The following SUOX variants were observed in gnomAD, a reference collection of about 807,000 sequenced individuals.
SUOX encodes the protein sulfite oxidase, mitochondrial.
Under a neutral mutation model 41.9 loss-of-function variants are expected in SUOX, and 39 were observed. The ratio of observed to expected loss-of-function variants is 0.93; its 90% CI spans 0.72 to 1.21. The LOEUF is 1.21. Ranked by LOEUF, SUOX falls within the 50% of genes most tolerant of loss-of-function variation. The pLI is 0.00. For synonymous variants in SUOX, 220 were observed against 268.4 expected (o/e 0.82, Z 1.76); for missense variants, 633 against 689.5 (o/e 0.92, Z 0.92).
Position 56,003,488 on chromosome 12 carries a change from C to T in SUOX, c.229-130C>T, listed in dbSNP as rs148022810. On this transcript the variant is annotated intron_variant, in intron 4 of 4. Transcript: ENST00000266971. ...GTTGGTCAAGCTGGTCTTGAACTCC[C>T]GACCTTATGTGATCCGCCCACCTCG... The T allele has an allele frequency of 2.9e-4, 234 of 805,672 alleles. No individual in the cohort carries two copies. In the African/African-American group the frequency reaches 3.3e-3, roughly 11 times the overall value. The allele number at this position is 805,672 out of a possible 1,614,324, so 49.9% of individuals were successfully genotyped here.
Position 56,004,335 on chromosome 12 carries a change from G to A in SUOX, c.946G>A (p.Val316Ile), listed in dbSNP as rs150528313. ...GHQLCETEAH[V>I]CFEGLDSDPT... ...CCAACTCTGTGAAACTGAGGCCCAC[G>A]TCTGCTTTGAGGGACTGGACTCAGA... The change falls in exon 5 of 5, where the codon GTC becomes ATC. Residue 316 changes from valine (V) to isoleucine (I), a missense_variant. Coordinates refer to ENST00000266971, the MANE Select transcript of SUOX (RefSeq NM_001032386.2). This position sits in a 1 kb window ranked among gnomAD's most constrained non-coding sequence, Gnocchi z 4.5. 33 of 1,614,130 alleles carry A rather than the reference G, an allele frequency of 2.0e-5. No homozygotes were observed. Among genetic ancestry groups the A allele is most frequent in the African/African-American group, 2.0e-4 (15 of 75,048 alleles).
rs1890699149 is a variant in SUOX at position 56,005,143 on chromosome 12, C to T, written c.*116C>T. ...CAACTCTGGCCTTCCTAAGCCATACCCAAGTACACATATAGCACATTTCAC... is the reference window on the plus strand; with the variant it reads ...CAACTCTGGCCTTCCTAAGCCATACTCAAGTACACATATAGCACATTTCAC... On this transcript the variant is annotated 3_prime_UTR_variant, in exon 5 of 5. Coordinates refer to ENST00000266971, the MANE Select transcript of SUOX (RefSeq NM_001032386.2). 14 of 1,179,318 alleles carry T rather than the reference C, an allele frequency of 1.2e-5. No homozygotes were observed. Among genetic ancestry groups the T allele is most frequent in the Admixed American group, 1.8e-5 (1 of 55,154 alleles). The allele number at this position is 1,179,318 out of a possible 1,614,324, so 73.1% of individuals were successfully genotyped here. A position where few individuals can be genotyped will look rare whatever the true frequency, so the allele number is the denominator to read the frequency against.
At chr12:56,001,932 T>C in intron 2 of SUOX, 1 of 1,312,698 alleles carries the variant, frequency 7.6e-7, no homozygotes, top group Non-Finnish European at 9.8e-7. Context: ...AAGTTCAGAA[T>C]GGAAGATGGG....
In SUOX at chr12:56,002,611, G is replaced by A. The variant is rs117778870; in HGVS notation, c.119G>A (p.Arg40His). ...CSTNDSFQPQ[R>H]PSLTFSGDNS... is the part of the protein sequence containing the mutation. The stretch of plus-strand genomic sequence containing the variant: ...ACAAATGATTCATTTCAGCCCCAGC[G>A]CCCCAGCCTCACCTTCTCTGGTGAT... Residue 40 changes from arginine to histidine, a missense_variant, in exon 4 of 5, where the codon CGC becomes CAC. By Grantham distance (29) the Arg-to-His change is conservative. Coordinates refer to ENST00000266971, the MANE Select transcript of SUOX (RefSeq NM_001032386.2). 656 of 1,613,950 alleles carry A rather than the reference G, an allele frequency of 4.1e-4. 3 individuals carry two copies. The East Asian group carries it at 8.6e-3, about 21-fold the overall frequency.
rs1373465262 is a variant in SUOX, at chr12:56,004,012, T to C, written c.623T>C (p.Ile208Thr). 1.5e-5 allele frequency: 25 copies of C among 1,613,922 alleles called. No individual in the cohort carries two copies. Among genetic ancestry groups the C allele is most frequent in the Non-Finnish European group, 2.1e-5 (25 of 1,180,028 alleles). The change falls in exon 5 of 5, where the codon ATC (isoleucine) becomes ACC (threonine). Residue 208 changes from isoleucine to threonine, a missense_variant. Physicochemically the swap from Ile to Thr is moderately conservative, Grantham distance 89 (BLOSUM62 -1). Coordinates refer to ENST00000266971, the MANE Select transcript of SUOX (RefSeq NM_001032386.2). This position sits in a 1 kb window ranked among gnomAD's most constrained non-coding sequence, Gnocchi z 4.5. ...CCTGAGCTGCTGACAGAAAACTACA[T>C]CACACCCAACCCTATCTTCTTCACC... ...PPPELLTENY[I>T]TPNPIFFTRN...
At position 56,004,665 on chromosome 12, in the gene SUOX, C is replaced by T. The variant is rs1314125524; in HGVS notation, c.1276C>T (p.Gln426Ter). The change falls in exon 5 of 5, where the codon CAG becomes TAG. Residue 426 changes from glutamine (Q) to a stop codon, truncating the protein, a stop_gained. Transcript: ENST00000266971. LOFTEE classifies it high-confidence loss of function. The surrounding 1 kb of genome is among the most constrained non-coding windows in gnomAD (Gnocchi z 4.5). ...TCCATCCATTCAGGAACTTCCTGTCCAGTCGGCCATCACAGAGCCCCGGGA... is the reference window on the plus strand; with the variant it reads ...TCCATCCATTCAGGAACTTCCTGTCTAGTCGGCCATCACAGAGCCCCGGGA... Reference protein sequence around the residue: ...SAPSIQELPVQSAITEPRDGE... With the variant: ...SAPSIQELPV 2.5e-6 allele frequency: 4 copies of T among 1,613,884 alleles called. No individual in the cohort carries two copies. Among genetic ancestry groups the T allele is most frequent in the Non-Finnish European group, 3.4e-6 (4 of 1,179,792 alleles).
chr12:56,004,497 C>T lies in SUOX; in HGVS notation c.1108C>T (p.Pro370Ser). ...CGGCTTCCCTGTGCGTGTGGTGGTT[C>T]CTGGAGTGGTGGGTGCCCGCCATGT... ...DHGFPVRVVV[P>S]GVVGARHVKW... Residue 370 changes from proline (P) to serine (S), a missense_variant, in exon 5 of 5, where the codon CCT becomes TCT. Coordinates refer to ENST00000266971, the MANE Select transcript of SUOX (RefSeq NM_001032386.2). This position sits in a 1 kb window ranked among gnomAD's most constrained non-coding sequence, Gnocchi z 4.5. The T allele has an allele frequency of 1.2e-6, 2 of 1,613,898 alleles. No homozygotes were observed. Among genetic ancestry groups the T allele is most frequent in the Middle Eastern group, 1.6e-4 (1 of 6,062 alleles).
At chr12:56,002,345 C>G in intron 3 of SUOX, 74 bp downstream of exon 3, 1 of 1,558,258 alleles carries the variant, frequency 6.4e-7, no homozygotes, top group Non-Finnish European at 8.8e-7. Context: ...AATGTCATAC[C>G]TTGCAAATAA....
rs773937413 is a variant in SUOX, at chr12:56,002,587, CA to C, written c.98del (p.Asn33MetfsTer30). ...PSRICIQACS[T>X]NDSFQPQRPS... Reference sequence around the variant, plus strand: ...AGGATCTGCATTCAGGCCTGCTCCACAAATGATTCATTTCAGCCCCAGCGCC... The same window carrying C: ...AGGATCTGCATTCAGGCCTGCTCCACAATGATTCATTTCAGCCCCAGCGCC... On this transcript the variant is annotated frameshift_variant, in exon 4 of 5. Transcript: ENST00000266971. LOFTEE classifies it high-confidence loss of function. 14 of 1,614,170 alleles carry C rather than the reference CA, an allele frequency of 8.7e-6. No homozygotes were observed. The highest frequency in any genetic ancestry group is 1.3e-5 in the African/African-American group (1 of 75,022).
At chr12:56,002,978 G>T in intron 4 of SUOX, 2 of 417,618 alleles carry the variant, frequency 4.8e-6, no homozygotes, top group Non-Finnish European at 4.4e-6. Context: ...AGTGAGCCAA[G>T]ATCAAGATCA....
chr12:56,000,765 T>C (rs750685245), intron 2 of SUOX, among the ~76,000 whole-genome samples: 2 of 152,106 alleles, frequency 1.3e-5, no homozygotes, highest in African/African-American at 2.4e-5. Context: ...TATAATGTTA[T>C]AATTTTTTTC....
Position 56,004,156 on chromosome 12 carries a change from A to G in SUOX, c.767A>G (p.Tyr256Cys), listed in dbSNP as rs1248569858. Reference sequence around the variant, plus strand: ...GATGACTTGCACAACTTTCCCAGGTACGAGATCACAGTCACTCTGCAGTGT... The same window carrying G: ...GATGACTTGCACAACTTTCCCAGGTGCGAGATCACAGTCACTCTGCAGTGT... ...SLDDLHNFPRYEITVTLQCAG... is the reference protein window; with the variant it reads ...SLDDLHNFPRCEITVTLQCAG... Residue 256 changes from tyrosine (Y) to cysteine (C), a missense_variant, in exon 5 of 5, where the codon TAC becomes TGC. Physicochemically the swap from Tyr to Cys is radical, Grantham distance 194 (BLOSUM62 -2). Coordinates refer to ENST00000266971, the MANE Select transcript of SUOX (RefSeq NM_001032386.2). The surrounding 1 kb of genome is among the most constrained non-coding windows in gnomAD (Gnocchi z 4.5). The G allele has an allele frequency of 6.2e-7, 1 of 1,614,172 alleles. No homozygotes were observed. The highest frequency in any genetic ancestry group is 8.5e-7 in the Non-Finnish European group (1 of 1,180,032).
intron 2 of SUOX, 59 bp from the exon 3 acceptor site, chr12:56,002,153 C>A: frequency 1.2e-6 from 2 of 1,602,588 alleles, no homozygotes; most frequent in East Asian, 4.5e-5. Flanking sequence ...TCCCTTAGGC[C>A]TCCCTAATAT....
intron 2 of SUOX, among the ~76,000 whole-genome samples, chr12:56,000,455 C>A (rs7138113): frequency 6.6e-6 from 1 of 152,220 alleles, no homozygotes. Flanking sequence ...GCCTGCCAAG[C>A]CCACGCCCAC....
chr12:55,997,976 C>T (rs1335586249), intron 2 of SUOX, among the ~76,000 whole-genome samples: 1 of 152,126 alleles, frequency 6.6e-6, no homozygotes, highest in African/African-American at 2.4e-5. Flanking sequence ...CTTCCTTCTC[C>T]AGCCTGCCCC....
rs1419540521 is a variant in SUOX, at chr12:56,002,581, G to C, written c.89G>C (p.Cys30Ser). 12 of 1,614,074 alleles carry C rather than the reference G, an allele frequency of 7.4e-6. No homozygotes were observed. The highest frequency in any genetic ancestry group is 1.7e-5 in the Admixed American group (1 of 59,992). ...SIPSRICIQA[C>S]STNDSFQPQR... ...CCCTCAAGGATCTGCATTCAGGCCT[G>C]CTCCACAAATGATTCATTTCAGCCC... The change falls in exon 4 of 5, where the codon TGC (cysteine) becomes TCC (serine). Residue 30 changes from cysteine (C) to serine (S), a missense_variant. Transcript: ENST00000266971.
rs780213692 is a variant in SUOX, at chr12:56,002,535, T to C, written c.51-8T>C. On this transcript the variant is annotated splice_polypyrimidine_tract_variant and splice_region_variant and intron_variant, in intron 3 of 4. Coordinates refer to ENST00000266971, the MANE Select transcript of SUOX (RefSeq NM_001032386.2). The stretch of plus-strand genomic sequence containing the variant: ...CATACGTGCTACTAAGACCGACCTC[T>C]CTTCCAGACTCAAGTCAATCCCCTC... 2.5e-6 allele frequency: 4 copies of C among 1,614,052 alleles called. No individual in the cohort carries two copies. Among genetic ancestry groups the C allele is most frequent in the Non-Finnish European group, 3.4e-6 (4 of 1,180,046 alleles).
Position 56,004,242 on chromosome 12 carries a change from A to G in SUOX, c.853A>G (p.Thr285Ala). ...AGAAGTAAAAGGTCTGGAGTGGAGA[A>G]CAGGAGCCATCAGCACTGCACGCTG... Reference protein sequence around the residue: ...VKEVKGLEWRTGAISTARWAG... With the variant: ...VKEVKGLEWRAGAISTARWAG... Residue 285 changes from threonine to alanine, a missense_variant, in exon 5 of 5, where the codon ACA becomes GCA. By Grantham distance (58) the Thr-to-Ala change is moderately conservative. Coordinates refer to ENST00000266971, the MANE Select transcript of SUOX (RefSeq NM_001032386.2). This position sits in a 1 kb window ranked among gnomAD's most constrained non-coding sequence, Gnocchi z 4.5. 6.2e-7 allele frequency: 1 copy of G among 1,614,116 alleles called. No individual in the cohort carries two copies. Among genetic ancestry groups the G allele is most frequent in the Non-Finnish European group, 8.5e-7 (1 of 1,180,040 alleles).
At position 56,005,061 on chromosome 12, in the gene SUOX, A is replaced by C; in HGVS notation, c.*34A>C. The C allele has an allele frequency of 6.3e-7, 1 of 1,598,826 alleles. No homozygotes were observed. Among genetic ancestry groups the C allele is most frequent in the Non-Finnish European group, 8.5e-7 (1 of 1,175,700 alleles). ...AGGAGCCACCTCCACCCCTTTCCCC[A>C]CCCATTAGCCTCACTGCTTCAGAAA... is the stretch of plus-strand genomic sequence containing the variant. On this transcript the variant is annotated 3_prime_UTR_variant, in exon 5 of 5. Transcript: ENST00000266971.
Sources: gnomAD v4.1 joint callset for allele counts (sites outside exome capture counted in the v4.1 genomes callset) on GRCh38, gnomAD v4.1.1 for gene constraint, Gnocchi (gnomAD v3.1) non-coding constraint, MANE v1.5 for transcripts, NCBI Gene and HGNC (gene_info 2026-07-23, HGNC 2026-07-21) for gene names.